The following FER1L6 variants were observed in gnomAD, a reference collection of about 807,000 sequenced individuals.
FER1L6 encodes fer-1-like protein 6.
FER1L6 carries 177 observed loss-of-function variants against 219.2 expected under a neutral mutation model. The ratio of observed to expected loss-of-function variants is 0.81; its 90% CI spans 0.71 to 0.91. The LOEUF (loss-of-function observed/expected upper bound fraction) is 0.91. FER1L6 is among the 40% of genes least tolerant of loss of function. The probability of loss-of-function intolerance (pLI) is 0.00; values close to 1 mark genes in which losing one functional copy is unlikely to be tolerated. For synonymous variants in FER1L6, 768 were observed against 824.3 expected (o/e 0.93, Z 1.17); for missense variants, 2,153 against 2,259.9 (o/e 0.95, Z 0.96).
chr8:123,858,504 G>A (rs1037531231), intron 1 of FER1L6, among the ~76,000 whole-genome samples: 3 of 152,182 alleles, frequency 2.0e-5, no homozygotes, highest in African/African-American at 7.2e-5. Flanking sequence ...GTGGAATGAG[G>A]TTGGGTCCTG....
intron 1 of FER1L6, among the ~76,000 whole-genome samples, chr8:123,895,525 A>G (rs4509302): frequency 0.24 from 36,018 of 152,132 alleles, 4,618 homozygotes; most frequent in East Asian, 0.47. Flanking sequence ...AGAGAAATGT[A>G]GTAACTTGCC....
At chr8:123,961,339 C>G (rs1161767391) in intron 2 of FER1L6, among the ~76,000 whole-genome samples, 3 of 152,186 alleles carry the variant, frequency 2.0e-5, no homozygotes, top group Admixed American at 2.0e-4. Context: ...ATTTTAGCAG[C>G]TTCCTAGGTG....
At chr8:123,985,598 T>G (rs544783859) in intron 11 of FER1L6, 3 of 154,128 alleles carry the variant, frequency 1.9e-5, no homozygotes, top group African/African-American at 7.2e-5. Context: ...AATTTTGACC[T>G]CTTAAGGTTG....
Position 123,986,176 on chromosome 8 carries a change from G to T in FER1L6, c.1519G>T (p.Gly507Cys). The change falls in exon 12 of 41, where the codon GGT (glycine) becomes TGT (cysteine). Residue 507 changes from glycine to cysteine, a missense_variant and splice_region_variant. Transcript: ENST00000522917. ...DKPISFEVSI[G>C]NFGNLIDGGS... ...ACCCATCAGCTTTGAAGTTTCTATT[G>T]GTAAGTACAGATAAGCACAGTGCCA... 6 of 1,571,400 alleles carry T rather than the reference G, an allele frequency of 3.8e-6. No homozygotes were observed. The highest frequency in any genetic ancestry group is 5.3e-6 in the Non-Finnish European group (6 of 1,141,250).
chr8:124,079,616 TG>T (rs1256969942), intron 32 of FER1L6, among the ~76,000 whole-genome samples: 5 of 152,208 alleles, frequency 3.3e-5, no homozygotes, highest in Non-Finnish European at 7.3e-5. Flanking sequence ...TGGCACACTA[TG>T]TGCCAGCTAC....
intron 12 of FER1L6, among the ~76,000 whole-genome samples, chr8:123,996,443 A>G (rs1817136752): frequency 6.6e-6 from 1 of 152,046 alleles, no homozygotes; most frequent in African/African-American, 2.4e-5. Context: ...TGATATAATT[A>G]TATCTACTCC....
At chr8:124,039,663 C>T (rs1819385462) in intron 19 of FER1L6, among the ~76,000 whole-genome samples, 1 of 152,186 alleles carries the variant, frequency 6.6e-6, no homozygotes, top group Non-Finnish European at 1.5e-5. Context: ...CTGGTGAAAG[C>T]ACCAAGGAAG....
intron 33 of FER1L6, among the ~76,000 whole-genome samples, chr8:124,086,883 T>TC (rs1318398667): frequency 2.0e-5 from 3 of 152,198 alleles, no homozygotes; most frequent in African/African-American, 7.2e-5. Flanking sequence ...AAGTTTTTTT[T>TC]CCTTCAGTAC....
At chr8:124,004,527 C>T (rs1817571611) in intron 13 of FER1L6, among the ~76,000 whole-genome samples, 1 of 152,124 alleles carries the variant, frequency 6.6e-6, no homozygotes, top group South Asian at 2.1e-4. Context: ...ACAGGGACTC[C>T]CAAATCTATT....
Position 123,980,553 on chromosome 8 carries a change from C to T in FER1L6, c.1152C>T (p.Asn384=), listed in dbSNP as rs756231526. 22 of 1,613,938 alleles carry T rather than the reference C, an allele frequency of 1.4e-5. No individual in the cohort carries two copies. The African/African-American group carries it at 1.7e-4, about 13-fold the overall frequency. The change falls in exon 11 of 41, where the codon AAC becomes AAT. Residue 384 remains asparagine (N), a synonymous_variant. Coordinates refer to ENST00000522917, the MANE Select transcript of FER1L6 (RefSeq NM_001039112.2). ...HSLMDDYQEM[N]EGFGEGVSFR... ...TGATGGATGACTACCAGGAAATGAA[C>T]GAAGGCTTTGGGGAAGGTGTGTCAT...
intron 6 of FER1L6, among the ~76,000 whole-genome samples, chr8:123,970,971 G>A (rs1441728639): frequency 2.0e-5 from 3 of 152,182 alleles, no homozygotes; most frequent in South Asian, 2.1e-4. Context: ...GATGGCTGGA[G>A]AGTAAGTTTC....
At chr8:124,031,243 A>G (rs1378602615) in intron 18 of FER1L6, among the ~76,000 whole-genome samples, 1 of 152,146 alleles carries the variant, frequency 6.6e-6, no homozygotes, top group Non-Finnish European at 1.5e-5. Flanking sequence ...AGGCATACAA[A>G]TTTATTTAAT....
At chr8:123,857,856 A>T (rs1202385469) in intron 1 of FER1L6, among the ~76,000 whole-genome samples, 2 of 152,134 alleles carry the variant, frequency 1.3e-5, no homozygotes, top group Admixed American at 6.5e-5. Flanking sequence ...AGCAGAAACT[A>T]ATTTATATGT....
At chr8:123,900,161 A>G (rs932456442) in intron 1 of FER1L6, among the ~76,000 whole-genome samples, 8 of 152,128 alleles carry the variant, frequency 5.3e-5, no homozygotes, top group African/African-American at 1.9e-4. Flanking sequence ...TGTGTGGTCT[A>G]TGATTTCTTT....
chr8:124,098,107 A>ACAT (rs1822389456), intron 37 of FER1L6, among the ~76,000 whole-genome samples: 1 of 152,208 alleles, frequency 6.6e-6, no homozygotes, highest in African/African-American at 2.4e-5. Context: ...TATTACATAT[A>ACAT]CATCTTTCAG....
Position 123,915,036 on chromosome 8 carries a change from CT to C in FER1L6, c.-7-40944del, listed in dbSNP as rs56930256. 9.6e-3 allele frequency among the ~76,000 whole-genome samples: 1,410 copies of C among 146,804 alleles called. 17 individuals are homozygous for C. The highest frequency in any genetic ancestry group is 0.032 in the African/African-American group (1,271 of 40,108). On this transcript the variant is annotated intron_variant, in intron 1 of 40. Coordinates refer to ENST00000522917, the MANE Select transcript of FER1L6 (RefSeq NM_001039112.2). ...ACTGAACTATAAAAGGTATTACATGCTTTTTTTTTTTTCTTTTTCCTTTTTT... is the reference window on the plus strand; with the variant it reads ...ACTGAACTATAAAAGGTATTACATGCTTTTTTTTTTTCTTTTTCCTTTTTT...
chr8:124,105,491 G>T (rs774759245), intron 39 of FER1L6, among the ~76,000 whole-genome samples: 1 of 152,138 alleles, frequency 6.6e-6, no homozygotes, highest in Admixed American at 6.5e-5. Flanking sequence ...TCAGAAGAGG[G>T]TCAAAATTGG....
At chr8:123,903,316 C>A (rs1194409731) in intron 1 of FER1L6, among the ~76,000 whole-genome samples, 1 of 152,164 alleles carries the variant, frequency 6.6e-6, no homozygotes, top group Admixed American at 6.5e-5. Flanking sequence ...GTGGTATTTC[C>A]ATTTACAAAA....
At chr8:123,871,394 C>T (rs949365436) in intron 1 of FER1L6, among the ~76,000 whole-genome samples, 1 of 152,074 alleles carries the variant, frequency 6.6e-6, no homozygotes, top group Non-Finnish European at 1.5e-5. Flanking sequence ...AGGACTGGTG[C>T]AGAAACTAAG....
Sources: allele counts gnomAD v4.1 joint callset (sites outside exome capture counted in the v4.1 genomes callset), GRCh38; gene constraint gnomAD v4.1.1; transcripts MANE v1.5; gene names NCBI Gene and HGNC (gene_info 2026-07-23, HGNC 2026-07-21).